The following C8orf34 variants were observed in gnomAD, a reference collection of about 807,000 sequenced individuals.
The protein encoded by C8orf34 is chromosome 8 open reading frame 34.
Under a neutral mutation model 68.3 loss-of-function variants are expected in C8orf34, and 65 were observed. The observed-to-expected ratio is 0.95, with a 90% CI of 0.78 to 1.17. C8orf34 has a LOEUF of 1.17. C8orf34 is among the 50% of genes most tolerant of loss of function. C8orf34 has a pLI of 0.00. For synonymous variants in C8orf34, 244 were observed against 241.2 expected, an observed-to-expected ratio of 1.01 and a Z score of -0.11; for missense variants, 664 against 655.4, an observed-to-expected ratio of 1.01 and a Z score of -0.14.
rs867967721 is a variant in C8orf34, at chr8:68,367,927, A to G, written c.327+36588A>G. Among the ~76,000 whole-genome samples, 885 of 148,098 alleles carry G rather than the reference A, an allele frequency of 6.0e-3. 11 individuals are homozygous for G. The highest frequency in any genetic ancestry group is 0.02 in the African/African-American group (822 of 40,132). On this transcript the variant is annotated intron_variant, in intron 1 of 13. Coordinates refer to ENST00000518698, the MANE Select transcript of C8orf34 (RefSeq NM_052958.4). ...AAAAAGAAAAGAAAAAAAAAAAAAA[A>G]AAAAAAAAAAGAAAAAAGTACATCA...
chr8:68,625,395 G>T lies in C8orf34; in HGVS notation c.1106-14981G>T, dbSNP rs149363440. On this transcript the variant is annotated intron_variant, in intron 7 of 13. Coordinates refer to ENST00000518698, the MANE Select transcript of C8orf34 (RefSeq NM_052958.4). ...TATCTAATGTGGGAAGTGAGATGAGGTTGTGAGGTGACAGAATGCTGCATG... is the reference window on the plus strand; with the variant it reads ...TATCTAATGTGGGAAGTGAGATGAGTTTGTGAGGTGACAGAATGCTGCATG... 2.5e-3 allele frequency: 1,220 copies of T among 494,734 alleles called. 2 individuals are homozygous for T. The highest frequency in any genetic ancestry group is 3.8e-3 in the Non-Finnish European group (1,066 of 277,646). The allele number at this position is 494,734 out of a possible 1,614,324, so 30.6% of individuals were successfully genotyped here.
intron 7 of C8orf34, among the ~76,000 whole-genome samples, chr8:68,553,384 CAAAAAAAAAAAAAAA>C (rs553767784): frequency 1.5e-4 from 2 of 13,654 alleles, no homozygotes; most frequent in African/African-American, 2.7e-4. Flanking sequence ...GACTCCATCT[CAAAAAAAAAAAAAAA>C]AAAAAAAAAA....
At chr8:68,483,687 C>A (rs1028418117) in intron 4 of C8orf34, among the ~76,000 whole-genome samples, 1 of 152,156 alleles carries the variant, frequency 6.6e-6, no homozygotes, top group African/African-American at 2.4e-5. Flanking sequence ...CTTTAGCCTG[C>A]GCACAGTGAG....
At chr8:68,353,444 T>C (rs1806604216) in intron 1 of C8orf34, among the ~76,000 whole-genome samples, 1 of 151,596 alleles carries the variant, frequency 6.6e-6, no homozygotes, top group Non-Finnish European at 1.5e-5. Context: ...TACATTATTA[T>C]TTATATATTT....
chr8:68,750,774 T>C (rs1209157697), intron 10 of C8orf34, among the ~76,000 whole-genome samples: 2 of 152,160 alleles, frequency 1.3e-5, no homozygotes, highest in African/African-American at 4.8e-5. Context: ...ATCCTCATAG[T>C]TCCTGAATTC....
intron 4 of C8orf34, among the ~76,000 whole-genome samples, chr8:68,485,986 T>C (rs1030897283): frequency 1.3e-5 from 2 of 152,062 alleles, no homozygotes; most frequent in African/African-American, 4.8e-5. Flanking sequence ...TTATATTACA[T>C]GTAAATATAA....
At chr8:68,754,125 G>T (rs76191996) in intron 10 of C8orf34, among the ~76,000 whole-genome samples, 4 of 152,064 alleles carry the variant, frequency 2.6e-5, no homozygotes, top group Non-Finnish European at 5.9e-5. Context: ...AATAAAAAAG[G>T]GCCGGGAGCA....
chr8:68,817,566 G>A (rs916453778), intron 13 of C8orf34, among the ~76,000 whole-genome samples: 61 of 151,982 alleles, frequency 4.0e-4, no homozygotes, highest in African/African-American at 1.4e-3. Context: ...AAATGTTTAT[G>A]GTCTAATTGG....
chr8:68,525,758 T>G, intron 6 of C8orf34: 1 of 625,092 alleles, frequency 1.6e-6, no homozygotes, highest in Non-Finnish European at 3.0e-6. Context: ...ATCAATGATT[T>G]TAGATTCACC....
intron 7 of C8orf34, among the ~76,000 whole-genome samples, chr8:68,551,699 C>T (rs1203730620): frequency 1.3e-5 from 2 of 151,968 alleles, no homozygotes; most frequent in Admixed American, 6.6e-5. Flanking sequence ...AAGAAGTGTT[C>T]TATAGTCTCA....
intron 3 of C8orf34, among the ~76,000 whole-genome samples, chr8:68,465,688 A>G (rs1462212772): frequency 6.6e-6 from 1 of 151,924 alleles, no homozygotes; most frequent in East Asian, 1.9e-4. Context: ...ATTCTCAGTA[A>G]ACTATCGCAA....
intron 5 of C8orf34, among the ~76,000 whole-genome samples, chr8:68,505,532 C>A (rs1813973010): frequency 1.0e-5 from 1 of 96,598 alleles, no homozygotes. Flanking sequence ...GAGATCGAGA[C>A]CATCCTGGCT....
intron 1 of C8orf34, among the ~76,000 whole-genome samples, chr8:68,341,428 G>A (rs1806064700): frequency 6.6e-6 from 1 of 152,110 alleles, no homozygotes; most frequent in Non-Finnish European, 1.5e-5. Context: ...ATTTAATGAT[G>A]TCACATATAT....
chr8:68,474,418 CT>C (rs1554558671), intron 4 of C8orf34, among the ~76,000 whole-genome samples: 1 of 152,088 alleles, frequency 6.6e-6, no homozygotes, highest in Non-Finnish European at 1.5e-5. Flanking sequence ...TGTTTTGAGT[CT>C]AGTTTATATC....
At chr8:68,589,045 G>A (rs1485071768) in intron 7 of C8orf34, among the ~76,000 whole-genome samples, 1 of 152,092 alleles carries the variant, frequency 6.6e-6, no homozygotes, top group Non-Finnish European at 1.5e-5. Flanking sequence ...GCCACAATTT[G>A]CTCACCCTTG....
intron 9 of C8orf34, among the ~76,000 whole-genome samples, chr8:68,716,419 G>A (rs1235377478): frequency 1.3e-5 from 2 of 151,934 alleles, no homozygotes; most frequent in Non-Finnish European, 2.9e-5. Flanking sequence ...AGAATATGAA[G>A]AACACCTACA....
intron 7 of C8orf34, among the ~76,000 whole-genome samples, chr8:68,612,847 A>G (rs899647498): frequency 6.6e-5 from 10 of 152,250 alleles, no homozygotes; most frequent in African/African-American, 2.4e-4. Flanking sequence ...AATCTTATAG[A>G]TCTGTTTGAA....
chr8:68,438,422 C>G (rs956651799), intron 1 of C8orf34: 1 of 152,016 alleles, frequency 6.6e-6, no homozygotes, highest in Non-Finnish European at 1.5e-5. Context: ...GCCATCTGAC[C>G]ATGAGAGAAC....
intron 1 of C8orf34, among the ~76,000 whole-genome samples, chr8:68,377,275 G>C (rs1222959952): frequency 2.0e-5 from 3 of 152,058 alleles, no homozygotes; most frequent in Non-Finnish European, 4.4e-5. Context: ...ATGCACCTGT[G>C]GTGTCTCAGC....
Sources: gnomAD v4.1 joint callset for allele counts (sites outside exome capture counted in the v4.1 genomes callset) on GRCh38, gnomAD v4.1.1 for gene constraint, MANE v1.5 for transcripts, NCBI Gene and HGNC (gene_info 2026-07-23, HGNC 2026-07-21) for gene names.